Variants in ANO10 observed in about 807,000 individuals in gnomAD.
The protein encoded by ANO10 is anoctamin-10.
ANO10 carries 77 observed loss-of-function variants against 74.7 expected under a neutral mutation model. The ratio of observed to expected loss-of-function variants is 1.03; its 90% CI spans 0.86 to 1.25. ANO10 has a LOEUF of 1.25. Among genes scored for constraint, ANO10 ranks in the 50% most tolerant of loss-of-function variants. The pLI is 0.00. For missense variants in ANO10, 721 were observed against 778.1 expected, an observed-to-expected ratio of 0.93 and a Z score of 0.87; for synonymous variants, 279 against 284.9, an observed-to-expected ratio of 0.98 and a Z score of 0.21.
chr3:43,566,597 G>C (rs1488226671), intron 7 of ANO10, among the ~76,000 whole-genome samples: 1 of 152,152 alleles, frequency 6.6e-6, no homozygotes, highest in African/African-American at 2.4e-5. Context: ...ACACGGCAGG[G>C]TATTCCAACA....
chr3:43,445,174 T>C (rs909360729), intron 11 of ANO10, among the ~76,000 whole-genome samples: 2 of 149,688 alleles, frequency 1.3e-5, no homozygotes, highest in African/African-American at 4.9e-5. Flanking sequence ...TCTTGGTTTC[T>C]AATACCATTG....
At position 43,366,859 on chromosome 3, in the gene ANO10, C is replaced by T; in HGVS notation, c.*47G>A. ...CCCCCTGCCACCGTGGCAGGTGTGGCACAGACACAGGCCTCTGCCAACAGG... is the reference window on the plus strand; with the variant it reads ...CCCCCTGCCACCGTGGCAGGTGTGGTACAGACACAGGCCTCTGCCAACAGG... On this transcript the variant is annotated 3_prime_UTR_variant, in exon 13 of 13. Coordinates refer to ENST00000292246, the MANE Select transcript of ANO10 (RefSeq NM_018075.5). 6.5e-7 allele frequency: 1 copy of T among 1,540,782 alleles called. No homozygotes were observed. The highest frequency in any genetic ancestry group is 1.2e-5 in the South Asian group (1 of 84,254).
chr3:43,462,516 A>G (rs531423859), intron 11 of ANO10, among the ~76,000 whole-genome samples: 74 of 152,254 alleles, frequency 4.9e-4, no homozygotes, highest in African/African-American at 1.8e-3. Context: ...CAGGTGTTAA[A>G]CCACCATACC....
At chr3:43,434,646 A>T (rs998862801) in intron 11 of ANO10, among the ~76,000 whole-genome samples, 3 of 152,148 alleles carry the variant, frequency 2.0e-5, no homozygotes, top group Non-Finnish European at 4.4e-5. Flanking sequence ...GGCAGGAATG[A>T]AAAAAACAAA....
chr3:43,459,539 G>A (rs1437634861), intron 11 of ANO10, among the ~76,000 whole-genome samples: 2 of 152,260 alleles, frequency 1.3e-5, no homozygotes, highest in East Asian at 1.9e-4. Flanking sequence ...GTCCAAGTGC[G>A]GAGTGAGGAG....
intron 1 of ANO10, among the ~76,000 whole-genome samples, chr3:43,648,338 G>C (rs912770126): frequency 5.3e-5 from 8 of 152,168 alleles, no homozygotes; most frequent in African/African-American, 1.4e-4. Context: ...AACCCCAAGA[G>C]AGGGTTCTTG....
chr3:43,677,502 G>C (rs999568110), intron 1 of ANO10, among the ~76,000 whole-genome samples: 5 of 152,218 alleles, frequency 3.3e-5, no homozygotes, highest in African/African-American at 1.2e-4. Flanking sequence ...GTGATTTGAT[G>C]ATCTATTGCT....
chr3:43,565,894 G>T (rs1008616382), intron 7 of ANO10, among the ~76,000 whole-genome samples, 167 bp from the exon 8 acceptor site: 1 of 152,150 alleles, frequency 6.6e-6, no homozygotes, highest in Admixed American at 6.5e-5. Context: ...CGCAGAAGAC[G>T]GGTGATTTCT....
chr3:43,506,382 AGCCATT>A (rs1559625455), intron 11 of ANO10, among the ~76,000 whole-genome samples: 1 of 152,146 alleles, frequency 6.6e-6, no homozygotes, highest in African/African-American at 2.4e-5. Context: ...CTCTGTCCTA[AGCCATT>A]GCCATGACTT....
chr3:43,607,652 GGA>G (rs2082626959), intron 1 of ANO10, among the ~76,000 whole-genome samples: 1 of 152,056 alleles, frequency 6.6e-6, no homozygotes, highest in Admixed American at 6.5e-5. Flanking sequence ...ATCTCAATCA[GGA>G]GAAAAGTTAC....
At chr3:43,486,261 T>C (rs1450204598) in intron 11 of ANO10, among the ~76,000 whole-genome samples, 2 of 152,218 alleles carry the variant, frequency 1.3e-5, no homozygotes, top group African/African-American at 4.8e-5. Context: ...TCCTTTATTC[T>C]CTCCCCTATA....
Position 43,418,509 on chromosome 3 carries a change from T to G in ANO10, c.1914+14102A>C, listed in dbSNP as rs2092775351. 2.0e-5 allele frequency among the ~76,000 whole-genome samples: 3 copies of G among 152,334 alleles called. No homozygotes were observed. The South Asian group carries it at 6.2e-4, about 32-fold the overall frequency. ...AATTTCCTTTTCTTTTTCCATTTTA[T>G]TATACAAAAGTAGAGAGAATAATGA... On this transcript the variant is annotated intron_variant, in intron 12 of 12. Coordinates refer to ENST00000292246, the MANE Select transcript of ANO10 (RefSeq NM_018075.5).
In ANO10 at chr3:43,537,611, C is replaced by CCCCA. The variant is rs1553704493; in HGVS notation, c.1797+12108_1797+12109insTGGG. Among the ~76,000 whole-genome samples, 3 of 140,058 alleles carry CCCCA rather than the reference C, an allele frequency of 2.1e-5. No homozygotes were observed. The East Asian group carries it at 6.4e-4, about 30-fold the overall frequency. 91.9% of individuals were successfully genotyped at this position (140,058 alleles called of 152,430 possible). On this transcript the variant is annotated intron_variant, in intron 11 of 12. Coordinates refer to ENST00000292246, the MANE Select transcript of ANO10 (RefSeq NM_018075.5). ...GCTCAGAGCAGGCATACTTTATAAA[C>CCCCA]CACACACACACACACACACACACAC...
At chr3:43,565,537 A>T in intron 8 of ANO10, 116 bp downstream of exon 8, 1 of 916,814 alleles carries the variant, frequency 1.1e-6, no homozygotes, top group Non-Finnish European at 1.7e-6. Context: ...TTAAAAACAT[A>T]CAAAATTTAA....
chr3:43,493,260 A>C (rs2076795357), intron 11 of ANO10, among the ~76,000 whole-genome samples: 1 of 152,194 alleles, frequency 6.6e-6, no homozygotes, highest in African/African-American at 2.4e-5. Flanking sequence ...GCGACATCAC[A>C]CACCAGAGCC....
chr3:43,633,868 C>A (rs1472034727), intron 1 of ANO10, among the ~76,000 whole-genome samples: 4 of 151,114 alleles, frequency 2.6e-5, no homozygotes, highest in Non-Finnish European at 5.9e-5. Context: ...GTGGATTCTA[C>A]ACAATCAATA....
rs183215664 is a variant in ANO10, at chr3:43,592,962, T to C, written c.472+5570A>G. Among the ~76,000 whole-genome samples, 28 of 152,308 alleles carry C rather than the reference T, an allele frequency of 1.8e-4. No individual in the cohort carries two copies. In the East Asian group the frequency reaches 5.4e-3, roughly 29 times the overall value. The stretch of plus-strand genomic sequence containing the variant: ...CATGGCACAAGAATTACGTGATGCA[T>C]GCACAAGCTTCAGTAGCTGATTTGA... On this transcript the variant is annotated intron_variant, in intron 4 of 12. Coordinates refer to ENST00000292246, the MANE Select transcript of ANO10 (RefSeq NM_018075.5).
At chr3:43,595,484 C>G (rs528570393) in intron 4 of ANO10, among the ~76,000 whole-genome samples, 1 of 152,118 alleles carries the variant, frequency 6.6e-6, no homozygotes, top group African/African-American at 2.4e-5. Flanking sequence ...CATAATCCAT[C>G]GTATAAACAG....
intron 12 of ANO10, among the ~76,000 whole-genome samples, chr3:43,407,270 A>G (rs150636770): frequency 5.1e-4 from 78 of 152,300 alleles, no homozygotes; most frequent in African/African-American, 1.8e-3. Flanking sequence ...TACCAAATCA[A>G]AAGTTACCAG....
Sources: allele counts gnomAD v4.1 joint callset (sites outside exome capture counted in the v4.1 genomes callset), GRCh38; gene constraint gnomAD v4.1.1; transcripts MANE v1.5; gene names NCBI Gene and HGNC (gene_info 2026-07-23, HGNC 2026-07-21).